The following LRRC46 variants were observed in gnomAD, a reference collection of about 807,000 sequenced individuals.
LRRC46 encodes leucine-rich repeat-containing protein 46.
A neutral mutation model predicts 28.0 loss-of-function variants in LRRC46; 20 were observed. The ratio of observed to expected loss-of-function variants is 0.71; its 90% CI spans 0.50 to 1.04. The LOEUF (loss-of-function observed/expected upper bound fraction) is 1.04, where lower values mean the gene tolerates loss of function less well. Ranked by LOEUF, LRRC46 falls within the 50% of genes least tolerant of loss-of-function variation. LRRC46 has a pLI of 0.00. For synonymous variants in LRRC46, 156 were observed against 158.8 expected (o/e 0.98, Z 0.13); for missense variants, 315 against 390.1 (o/e 0.81, Z 1.62).
chr17:47,835,126 G>C, intron 3 of LRRC46: 1 of 577,112 alleles, frequency 1.7e-6, no homozygotes, highest in East Asian at 2.9e-5. Context: ...AAGAGTATAC[G>C]TAGTCAGGTT....
At position 47,837,320 on chromosome 17, in the gene LRRC46, A is replaced by G; in HGVS notation, c.*200A>G. The stretch of plus-strand genomic sequence containing the variant: ...AATACAGAGCTCAGTGAGCCACCTG[A>G]TTCTAAAGAGCGAGTCTGGAATCTT... On this transcript the variant is annotated 3_prime_UTR_variant, in exon 8 of 8. Coordinates refer to ENST00000269025, the MANE Select transcript of LRRC46 (RefSeq NM_033413.4). 3.0e-6 allele frequency: 2 copies of G among 675,452 alleles called. No individual in the cohort carries two copies. 41.8% of individuals were successfully genotyped at this position (675,452 alleles called of 1,614,324 possible). A position where few individuals can be genotyped will look rare whatever the true frequency, so the allele number is the denominator to read the frequency against.
In LRRC46 at chr17:47,837,040, C is replaced by T. The variant is rs577637902; in HGVS notation, c.886C>T (p.Arg296Ter). 1.7e-5 allele frequency: 27 copies of T among 1,610,266 alleles called. No individual in the cohort carries two copies. The South Asian group carries it at 1.8e-4, about 10-fold the overall frequency. ...QSSFWGRKGA[R>*]AATAPKASVA... ...CTCTTTCTGGGGAAGGAAGGGGGCA[C>T]GAGCAGCCACAGCCCCCAAGGCCTC... The change falls in exon 8 of 8, where the codon CGA becomes TGA. Residue 296 changes from arginine (R) to a stop codon, truncating the protein, a stop_gained. Coordinates refer to ENST00000269025, the MANE Select transcript of LRRC46 (RefSeq NM_033413.4). LOFTEE classifies it low-confidence loss of function (END_TRUNC).
At chr17:47,835,119 A>ACCCC in intron 3 of LRRC46, 1 of 552,752 alleles carries the variant, frequency 1.8e-6, no homozygotes, top group Non-Finnish European at 3.2e-6. Flanking sequence ...GAATCAGAAG[A>ACCCC]GTATACGTAG....
In LRRC46 at chr17:47,835,416, C is replaced by T; in HGVS notation, c.272+17C>T. 6.2e-7 allele frequency: 1 copy of T among 1,613,608 alleles called. No homozygotes were observed. The highest frequency in any genetic ancestry group is 8.5e-7 in the Non-Finnish European group (1 of 1,179,848). On this transcript the variant is annotated intron_variant, in intron 4 of 7. Coordinates refer to ENST00000269025, the MANE Select transcript of LRRC46 (RefSeq NM_033413.4). ...CTCCTTGCGGTATGTGGTGCCAGGGCTCAGGCAGGGGAAGAGGGGTTGGGG... is the reference window on the plus strand; with the variant it reads ...CTCCTTGCGGTATGTGGTGCCAGGGTTCAGGCAGGGGAAGAGGGGTTGGGG...
intron 4 of LRRC46, 67 bp from the exon 5 acceptor site, chr17:47,835,599 C>A: frequency 7.0e-7 from 1 of 1,418,722 alleles, no homozygotes; most frequent in Admixed American, 1.7e-5. Flanking sequence ...GTGTCAGGTG[C>A]CCTCCTCTTT....
intron 2 of LRRC46, 137 bp downstream of exon 2, chr17:47,832,342 C>G: frequency 1.8e-6 from 1 of 558,158 alleles, no homozygotes; most frequent in East Asian, 3.2e-5. Flanking sequence ...TAATGCCCAG[C>G]TGATTTTCCC....
rs1450297285 is a variant in LRRC46 at position 47,837,288 on chromosome 17, G to C, written c.*168G>C. On this transcript the variant is annotated 3_prime_UTR_variant, in exon 8 of 8. Transcript: ENST00000269025. The stretch of plus-strand genomic sequence containing the variant: ...GGGAAGAAACCAGTGAAAGCTCCAG[G>C]AAACAAAATACAGAGCTCAGTGAGC... The C allele has an allele frequency of 1.1e-6, 1 of 907,598 alleles. No individual in the cohort carries two copies. Among genetic ancestry groups the C allele is most frequent in the African/African-American group, 1.7e-5 (1 of 58,462 alleles). 56.2% of individuals were successfully genotyped at this position (907,598 alleles called of 1,614,324 possible). A position where few individuals can be genotyped will look rare whatever the true frequency, so the allele number is the denominator to read the frequency against.
At chr17:47,835,282 T>C in intron 3 of LRRC46, 71 bp from the exon 4 acceptor site, 1 of 1,499,088 alleles carries the variant, frequency 6.7e-7, no homozygotes. Context: ...GTCTTGGGGC[T>C]TTGTCCCCGT....
At chr17:47,833,067 C>T (rs2033653147) in intron 2 of LRRC46, among the ~76,000 whole-genome samples, 1 of 152,206 alleles carries the variant, frequency 6.6e-6, no homozygotes, top group Admixed American at 6.5e-5. Context: ...ATCTCAGCCC[C>T]TCCACCCGAT....
intron 5 of LRRC46, 65 bp downstream of exon 5, chr17:47,835,840 C>T: frequency 7.0e-7 from 1 of 1,424,168 alleles, no homozygotes; most frequent in Admixed American, 1.7e-5. Flanking sequence ...CCCCTCTGCA[C>T]CCATCTGCCC....
intron 2 of LRRC46, among the ~76,000 whole-genome samples, chr17:47,833,587 T>A (rs1166313044): frequency 6.6e-6 from 1 of 151,768 alleles, no homozygotes; most frequent in African/African-American, 2.4e-5. Flanking sequence ...TAGCTGGGAC[T>A]ACAGGTGTGC....
At chr17:47,835,516 C>A in intron 4 of LRRC46, 117 bp downstream of exon 4, 1 of 1,407,768 alleles carries the variant, frequency 7.1e-7, no homozygotes, top group Non-Finnish European at 1.0e-6. Context: ...GACCAGCAAG[C>A]CTAGATCTAC....
At chr17:47,834,859 G>A (rs1398211777) in intron 3 of LRRC46, 1 of 238,190 alleles carries the variant, frequency 4.2e-6, no homozygotes, top group South Asian at 8.3e-5. Context: ...AAACTATGAA[G>A]ATTCCTGTAC....
chr17:47,837,565 TC>T lies in LRRC46; in HGVS notation c.*449del, dbSNP rs1407115064. Reference sequence around the variant, plus strand: ...GTCCCCTCCCTGTCCTCCTGCCCAGTCCCCATCACTCACCCACTCATAGGAA... The same window carrying T: ...GTCCCCTCCCTGTCCTCCTGCCCAGTCCCATCACTCACCCACTCATAGGAA... On this transcript the variant is annotated 3_prime_UTR_variant, in exon 8 of 8. Transcript: ENST00000269025. 4.2e-6 allele frequency: 2 copies of T among 473,988 alleles called. No homozygotes were observed. The highest frequency in any genetic ancestry group is 8.3e-5 in the Admixed American group (2 of 24,224). 29.4% of individuals were successfully genotyped at this position (473,988 alleles called of 1,614,324 possible). A position where few individuals can be genotyped will look rare whatever the true frequency, so the allele number is the denominator to read the frequency against.
At position 47,836,538 on chromosome 17, in the gene LRRC46, G is replaced by A. The variant is rs1404464562; in HGVS notation, c.595+63G>A. On this transcript the variant is annotated intron_variant, in intron 7 of 7. Coordinates refer to ENST00000269025, the MANE Select transcript of LRRC46 (RefSeq NM_033413.4). The surrounding 1 kb of genome is among the most constrained non-coding windows in gnomAD (Gnocchi z 5.8). ...CCCACCTCTGCCCTGTGGGACATGAGGGAAGCTAAGGTGGCAGTGGCGTCC... is the reference window on the plus strand; with the variant it reads ...CCCACCTCTGCCCTGTGGGACATGAAGGAAGCTAAGGTGGCAGTGGCGTCC... 1.3e-6 allele frequency: 2 copies of A among 1,582,394 alleles called. No individual in the cohort carries two copies. Among genetic ancestry groups the A allele is most frequent in the African/African-American group, 1.4e-5 (1 of 73,746 alleles).
chr17:47,835,475 T>C (rs1336500471), intron 4 of LRRC46, 76 bp downstream of exon 4: 1 of 1,568,564 alleles, frequency 6.4e-7, no homozygotes, highest in Non-Finnish European at 8.8e-7. Flanking sequence ...CTGGTTCAGA[T>C]TTCTCCAAGC....
At chr17:47,834,754 T>C (rs774294125) in intron 3 of LRRC46, 1 of 422,914 alleles carries the variant, frequency 2.4e-6, no homozygotes, top group Non-Finnish European at 4.2e-6. Flanking sequence ...CACTGTTCTT[T>C]AGGCACTTCT....
chr17:47,836,708 G>A lies in LRRC46; in HGVS notation c.596-42G>A, dbSNP rs1305343098. 1 of 1,601,930 alleles carries A rather than the reference G, an allele frequency of 6.2e-7. No homozygotes were observed. The highest frequency in any genetic ancestry group is 2.2e-5 in the East Asian group (1 of 44,748). On this transcript the variant is annotated intron_variant, in intron 7 of 7. Coordinates refer to ENST00000269025, the MANE Select transcript of LRRC46 (RefSeq NM_033413.4). The surrounding 1 kb of genome is among the most constrained non-coding windows in gnomAD (Gnocchi z 5.8). The stretch of plus-strand genomic sequence containing the variant: ...CCAGGGACCCTCCTGCTGAGCCCAG[G>A]GCTCCACCCACCCTGTACCCTCCAC...
Position 47,837,517 on chromosome 17 carries a change from A to T in LRRC46, c.*397A>T. 2.5e-6 allele frequency: 1 copy of T among 405,722 alleles called. No individual in the cohort carries two copies. The highest frequency in any genetic ancestry group is 4.4e-6 in the Non-Finnish European group (1 of 227,858). The allele number at this position is 405,722 out of a possible 1,614,324, so 25.1% of individuals were successfully genotyped here. A position where few individuals can be genotyped will look rare whatever the true frequency, so the allele number is the denominator to read the frequency against. ...GGACCAAGGAGCTGTGGTCCTAGTC[A>T]TCCCCAACAGCAGCCAGCTCCTGTC... On this transcript the variant is annotated 3_prime_UTR_variant, in exon 8 of 8. Transcript: ENST00000269025.
Sources: gnomAD v4.1 joint callset for allele counts (sites outside exome capture counted in the v4.1 genomes callset) on GRCh38, gnomAD v4.1.1 for gene constraint, Gnocchi (gnomAD v3.1) non-coding constraint, MANE v1.5 for transcripts, NCBI Gene and HGNC (gene_info 2026-07-23, HGNC 2026-07-21) for gene names.